Variants in CACNA1I observed in about 807,000 individuals in gnomAD.
CACNA1I encodes voltage-dependent T-type calcium channel subunit alpha-1I.
Under a neutral mutation model 201.6 loss-of-function variants are expected in CACNA1I, and 74 were observed. The observed-to-expected ratio is 0.37, with a 90% CI of 0.30 to 0.45. The LOEUF is 0.45. Ranked by LOEUF, CACNA1I falls within the 20% of genes least tolerant of loss-of-function variation. The pLI, the probability that CACNA1I is intolerant of heterozygous loss-of-function variation, is 1.00. For missense variants in CACNA1I, 2,346 were observed against 3,138.1 expected, an observed-to-expected ratio of 0.75 and a Z score of 6.03; for synonymous variants, 1,431 against 1,345.2, an observed-to-expected ratio of 1.06 and a Z score of -1.40.
At chr22:39,599,319 G>C (rs1160996254) in intron 2 of CACNA1I, among the ~76,000 whole-genome samples, 1 of 149,248 alleles carries the variant, frequency 6.7e-6, no homozygotes, top group Non-Finnish European at 1.5e-5. Context: ...CCGGGCACTT[G>C]GTAAAAATCC....
intron 10 of CACNA1I, among the ~76,000 whole-genome samples, chr22:39,652,969 G>T (rs1934691423): frequency 6.6e-6 from 1 of 152,162 alleles, no homozygotes; most frequent in Non-Finnish European, 1.5e-5. Flanking sequence ...TGACTGGCAG[G>T]GTGGCCGGGA....
chr22:39,635,902 G>A (rs956105338), intron 5 of CACNA1I, among the ~76,000 whole-genome samples: 12 of 152,046 alleles, frequency 7.9e-5, no homozygotes, highest in African/African-American at 2.7e-4. Flanking sequence ...CCCCAAGCTC[G>A]CCATCACACA....
intron 2 of CACNA1I, 43 bp from the exon 3 acceptor site, chr22:39,600,477 C>T: frequency 1.9e-6 from 3 of 1,573,604 alleles, no homozygotes; most frequent in East Asian, 2.3e-5. Flanking sequence ...CCCTGCTCTG[C>T]AACCTCACCC....
rs1392639598 is a variant in CACNA1I at position 39,648,087 on chromosome 22, G to C, written c.1567+161G>C. 2 of 634,574 alleles carry C rather than the reference G, an allele frequency of 3.2e-6. No individual in the cohort carries two copies. The highest frequency in any genetic ancestry group is 3.7e-5 in the African/African-American group (2 of 54,486). The allele number at this position is 634,574 out of a possible 1,614,324, so 39.3% of individuals were successfully genotyped here. The stretch of plus-strand genomic sequence containing the variant: ...TATAAAGTGAGGACAGGGGCCCCCA[G>C]CACGTGGCCGTCCACGGCGGGAGTC... On this transcript the variant is annotated intron_variant, in intron 9 of 36. Coordinates refer to ENST00000402142, the MANE Select transcript of CACNA1I (RefSeq NM_021096.4). The surrounding 1 kb of genome is among the most constrained non-coding windows in gnomAD (Gnocchi z 5.4).
At position 39,684,911 on chromosome 22, in the gene CACNA1I, G is replaced by A. The variant is rs73888120; in HGVS notation, c.6027+413G>A. On this transcript the variant is annotated intron_variant, in intron 36 of 36. Transcript: ENST00000402142. The surrounding 1 kb of genome is among the most constrained non-coding windows in gnomAD (Gnocchi z 4.6). ...ACTAGGAATGGAGGTGGGAGGGCGG[G>A]TCTGGTGGATGAGAAGCCTCGGGCT... is the stretch of plus-strand genomic sequence containing the variant. The A allele has an allele frequency of 7.3e-4, 267 of 363,562 alleles. 1 individual carries two copies. The highest frequency in any genetic ancestry group is 5.2e-3 in the African/African-American group (255 of 48,820). 22.5% of individuals were successfully genotyped at this position (363,562 alleles called of 1,614,324 possible).
chr22:39,661,368 G>A (rs1935006396), intron 16 of CACNA1I, 58 bp downstream of exon 16: 5 of 1,306,806 alleles, frequency 3.8e-6, no homozygotes, highest in Non-Finnish European at 5.1e-6. Context: ...GTGTGGAGGG[G>A]CCCTGAAGAG....
rs1276083072 is a variant in CACNA1I at position 39,658,315 on chromosome 22, C to G, written c.2144+12C>G. The G allele has an allele frequency of 6.2e-7, 1 of 1,612,252 alleles. No individual in the cohort carries two copies. The highest frequency in any genetic ancestry group is 2.2e-5 in the East Asian group (1 of 44,830). On this transcript the variant is annotated intron_variant, in intron 11 of 36. Transcript: ENST00000402142. ...ATTGTCATCATCAGGTACCCCTCCC[C>G]CAACCCACCCGGCAGCAGAGTGCCT...
At chr22:39,625,573 T>C (rs1471469304) in intron 4 of CACNA1I, among the ~76,000 whole-genome samples, 1 of 152,192 alleles carries the variant, frequency 6.6e-6, no homozygotes, top group Non-Finnish European at 1.5e-5. Flanking sequence ...GCGGGGGACA[T>C]GGACATCATG....
At position 39,686,652 on chromosome 22, in the gene CACNA1I, A is replaced by G. The variant is rs567303961; in HGVS notation, c.*247A>G. 4.7e-3 allele frequency: 677 copies of G among 143,894 alleles called. 4 individuals carry two copies. The highest frequency in any genetic ancestry group is 0.011 in the Middle Eastern group (3 of 276). The allele number at this position is 143,894 out of a possible 1,614,324, so 8.9% of individuals were successfully genotyped here. ...CATATATATATATATATATATATAT[A>G]TGTGTATACACACACACATAGACAG... is the stretch of plus-strand genomic sequence containing the variant. On this transcript the variant is annotated 3_prime_UTR_variant, in exon 37 of 37. Coordinates refer to ENST00000402142, the MANE Select transcript of CACNA1I (RefSeq NM_021096.4).
In CACNA1I at chr22:39,665,992, G is replaced by A. The variant is rs1259234440; in HGVS notation, c.4090G>A (p.Asp1364Asn). The A allele has an allele frequency of 2.5e-6, 4 of 1,613,614 alleles. No individual in the cohort carries two copies. Among genetic ancestry groups the A allele is most frequent in the Admixed American group, 1.7e-5 (1 of 60,014 alleles). Residue 1364 changes from aspartate (D) to asparagine (N), a missense_variant, in exon 23 of 37, where the codon GAC becomes AAC. Asp to Asn is a conservative substitution (Grantham distance 23). This residue lies in a region of CACNA1I where 228 missense variants were observed against 395.7 expected (regional missense o/e 0.58). Transcript: ENST00000402142. The surrounding 1 kb of genome is among the most constrained non-coding windows in gnomAD (Gnocchi z 5.5). ...CTGGGTCCATCACAAATACAACTTC[G>A]ACAACCTGGGCCAGGTGAGCACCAC... ...YRWVHHKYNF[D>N]NLGQALMSLF...
At chr22:39,575,530 G>T (rs1301727693) in intron 1 of CACNA1I, among the ~76,000 whole-genome samples, 1 of 152,126 alleles carries the variant, frequency 6.6e-6, no homozygotes, top group African/African-American at 2.4e-5. Context: ...CAGGTCTTTA[G>T]ATAGAACATA....
chr22:39,689,431 C>A lies in CACNA1I; in HGVS notation c.*3026C>A, dbSNP rs1360645790. The A allele has an allele frequency of 1.3e-5, 2 of 152,746 alleles. No homozygotes were observed. Among genetic ancestry groups the A allele is most frequent in the Non-Finnish European group, 2.9e-5 (2 of 68,088 alleles). The allele number at this position is 152,746 out of a possible 1,614,324, so 9.5% of individuals were successfully genotyped here. ...AGGGCTTGGGGTCTTAGAAGCTGCT[C>A]TTTAGCCCAGATACACATACTCTTT... On this transcript the variant is annotated 3_prime_UTR_variant, in exon 37 of 37. Transcript: ENST00000402142.
rs531582088 is a variant in CACNA1I at position 39,646,873 on chromosome 22, G to A, written c.1454G>A (p.Arg485Gln). ...AKPGPHAKEP[R>Q]HYHGKTKGQG... ...CCTGGGCCCCACGCCAAGGAGCCCC[G>A]GCACTACCGTAAGTGGCCCTGCATC... Residue 485 changes from arginine to glutamine, a missense_variant, in exon 8 of 37, where the codon CGG becomes CAG. By Grantham distance (43) the Arg-to-Gln change is conservative (BLOSUM62 1). Transcript: ENST00000402142. 112 of 1,501,800 alleles carry A rather than the reference G, an allele frequency of 7.5e-5. 1 individual carries two copies. Among genetic ancestry groups the A allele is most frequent in the South Asian group, 7.4e-4 (57 of 76,824 alleles). The allele number at this position is 1,501,800 out of a possible 1,614,324, so 93.0% of individuals were successfully genotyped here.
chr22:39,619,491 C>A, intron 4 of CACNA1I, 84 bp downstream of exon 4: 1 of 854,986 alleles, frequency 1.2e-6, no homozygotes, highest in Non-Finnish European at 1.9e-6. Flanking sequence ...CCAATGCCCA[C>A]CCCCCCACCC....
At chr22:39,682,046 C>T (rs1016198044) in intron 34 of CACNA1I, among the ~76,000 whole-genome samples, 3 of 152,104 alleles carry the variant, frequency 2.0e-5, no homozygotes, top group Non-Finnish European at 2.9e-5. Flanking sequence ...GGCATTAAGG[C>T]GGCTCTTCTG....
At chr22:39,682,941 A>G (rs1179023740) in intron 35 of CACNA1I, among the ~76,000 whole-genome samples, 1 of 152,124 alleles carries the variant, frequency 6.6e-6, no homozygotes, top group Admixed American at 6.5e-5. Flanking sequence ...AGCCATGGTG[A>G]AAAGGGAAAG....
chr22:39,664,340 C>A (rs1935116107), intron 20 of CACNA1I, among the ~76,000 whole-genome samples, 181 bp downstream of exon 20: 1 of 151,874 alleles, frequency 6.6e-6, no homozygotes, highest in African/African-American at 2.4e-5. Flanking sequence ...GGGGGTCAGC[C>A]CCGTCCCCAT....
At position 39,659,533 on chromosome 22, in the gene CACNA1I, A is replaced by T; in HGVS notation, c.2431A>T (p.Ile811Phe). 1 of 1,605,300 alleles carries T rather than the reference A, an allele frequency of 6.2e-7. No homozygotes were observed. Among genetic ancestry groups the T allele is most frequent in the Non-Finnish European group, 8.5e-7 (1 of 1,175,276 alleles). Residue 811 changes from isoleucine to phenylalanine, a missense_variant, in exon 13 of 37, where the codon ATC becomes TTC. This residue lies in a region of CACNA1I where 155 missense variants were observed against 300.8 expected (regional missense o/e 0.52). Transcript: ENST00000402142. The surrounding 1 kb of genome is among the most constrained non-coding windows in gnomAD (Gnocchi z 4.3). Reference sequence around the variant, plus strand: ...GAACTTCGACTCCCTGCTGTGGGCCATCGTCACTGTGTTCCAGGTGAGTGG... The same window carrying T: ...GAACTTCGACTCCCTGCTGTGGGCCTTCGTCACTGTGTTCCAGGTGAGTGG... ...RKNFDSLLWA[I>F]VTVFQILTQE...
intron 4 of CACNA1I, among the ~76,000 whole-genome samples, chr22:39,630,368 A>G (rs1399092121): frequency 6.6e-6 from 1 of 152,226 alleles, no homozygotes; most frequent in East Asian, 1.9e-4. Flanking sequence ...CGTACCTGGG[A>G]TGTGAGCCTC....
Sources: gnomAD v4.1 joint callset for allele counts (sites outside exome capture counted in the v4.1 genomes callset) on GRCh38, gnomAD v4.1.1 for gene constraint, gnomAD v4.1.1 regional missense constraint, Gnocchi (gnomAD v3.1) non-coding constraint, MANE v1.5 for transcripts, NCBI Gene and HGNC (gene_info 2026-07-23, HGNC 2026-07-21) for gene names.